Variants in ABCB10 observed in about 807,000 individuals in gnomAD.
The protein encoded by ABCB10 is ATP-binding cassette sub-family B member 10, mitochondrial.
Under a neutral mutation model 65.4 loss-of-function variants are expected in ABCB10, and 54 were observed. That is an observed-to-expected ratio of 0.83 (90% CI 0.66 to 1.04). The LOEUF (loss-of-function observed/expected upper bound fraction) is 1.04, where lower values mean the gene tolerates loss of function less well. ABCB10 is among the 50% of genes least tolerant of loss of function. ABCB10 has a pLI of 0.00. For missense variants in ABCB10, 846 were observed against 976.6 expected, an observed-to-expected ratio of 0.87 and a Z score of 1.78; for synonymous variants, 418 against 406.5, an observed-to-expected ratio of 1.03 and a Z score of -0.34.
intron 1 of ABCB10, 96 bp from the exon 2 acceptor site, chr1:229,549,530 A>G (rs965042904): frequency 1.7e-6 from 2 of 1,187,072 alleles, no homozygotes; most frequent in Non-Finnish European, 2.4e-6. Context: ...AGCTGTTGTC[A>G]GAGTATGCGT....
chr1:229,525,785 T>C (rs981510500), intron 10 of ABCB10, 151 bp downstream of exon 10: 11 of 884,710 alleles, frequency 1.2e-5, no homozygotes, highest in African/African-American at 1.0e-4. Flanking sequence ...AGAGCCGAGA[T>C]TGCGCCACTG....
At chr1:229,546,822 T>A (rs1164933004) in intron 3 of ABCB10, among the ~76,000 whole-genome samples, 1 of 152,086 alleles carries the variant, frequency 6.6e-6, no homozygotes, top group Admixed American at 6.6e-5. Context: ...AGTTTAAGAC[T>A]GCAGTGAGCT....
chr1:229,537,377 T>C (rs1194154823), intron 6 of ABCB10, among the ~76,000 whole-genome samples: 4 of 152,250 alleles, frequency 2.6e-5, no homozygotes, highest in Non-Finnish European at 4.4e-5. Context: ...TATGTCTTTC[T>C]AGGCAGAAAC....
At chr1:229,525,457 G>A (rs1662418241) in intron 10 of ABCB10, among the ~76,000 whole-genome samples, 1 of 152,068 alleles carries the variant, frequency 6.6e-6, no homozygotes, top group Non-Finnish European at 1.5e-5. Flanking sequence ...GAAAACACTG[G>A]GGAATTTTCC....
At chr1:229,527,359 T>C (rs1446374878) in intron 8 of ABCB10, 51 bp from the exon 9 acceptor site, 12 of 1,510,532 alleles carry the variant, frequency 7.9e-6, no homozygotes, top group South Asian at 1.1e-5. Flanking sequence ...ATGAGGCTGA[T>C]GACCAACACA....
At chr1:229,534,816 G>A (rs1214216328) in intron 6 of ABCB10, among the ~76,000 whole-genome samples, 6 of 143,494 alleles carry the variant, frequency 4.2e-5, no homozygotes, top group Admixed American at 7.3e-5. Context: ...AGGTTGCAGT[G>A]AGCCAAGACC....
At chr1:229,545,316 T>C (rs1189801052) in intron 3 of ABCB10, among the ~76,000 whole-genome samples, 1 of 152,238 alleles carries the variant, frequency 6.6e-6, no homozygotes, top group Non-Finnish European at 1.5e-5. Context: ...CTGTTTTTCA[T>C]TCCGTAAGTC....
At chr1:229,531,477 T>C (rs942908022) in intron 7 of ABCB10, among the ~76,000 whole-genome samples, 159 bp downstream of exon 7, 10 of 152,080 alleles carry the variant, frequency 6.6e-5, no homozygotes, top group Non-Finnish European at 8.8e-5. Context: ...CCCCCTCTCA[T>C]AGAAAACCTG....
At chr1:229,558,046 C>A (rs1419221526) in intron 1 of ABCB10, 90 bp downstream of exon 1, 2 of 1,223,962 alleles carry the variant, frequency 1.6e-6, no homozygotes, top group Non-Finnish European at 1.0e-6. Flanking sequence ...ACGCGCTCTG[C>A]GGCCCGGCCG....
chr1:229,532,021 C>A, intron 6 of ABCB10: 1 of 213,060 alleles, frequency 4.7e-6, no homozygotes, highest in South Asian at 1.0e-4. Flanking sequence ...GGCACAATCT[C>A]AGCTCACTGC....
At position 229,518,063 on chromosome 1, in the gene ABCB10, A is replaced by T; in HGVS notation, c.*116T>A. 1 of 732,178 alleles carries T rather than the reference A, an allele frequency of 1.4e-6. No individual in the cohort carries two copies. Among genetic ancestry groups the T allele is most frequent in the Non-Finnish European group, 2.3e-6 (1 of 442,296 alleles). The allele number at this position is 732,178 out of a possible 1,614,324, so 45.4% of individuals were successfully genotyped here. ...AATCTTTTACACACTTTGGAAAAAA[A>T]TAGGTATTTTTCAAATAACTTGATA... On this transcript the variant is annotated 3_prime_UTR_variant, in exon 13 of 13. Transcript: ENST00000344517.
At position 229,523,283 on chromosome 1, in the gene ABCB10, A is replaced by G. The variant is rs572653715; in HGVS notation, c.1907-1648T>C. ...CCTTTCCTCCAGGAACGCTACTCCT[A>G]AGTCATACTTGGAAAGTCTCAGAGT... On this transcript the variant is annotated intron_variant, in intron 10 of 12. Transcript: ENST00000344517. Among the ~76,000 whole-genome samples the G allele has an allele frequency of 7.6e-4, 116 of 152,276 alleles. 1 individual carries two copies. In the South Asian group the frequency reaches 0.012, roughly 16 times the overall value.
chr1:229,558,522 G>C lies in ABCB10; in HGVS notation c.131C>G (p.Thr44Ser). ...SRVPGSLSPFTGLRPARLWGA... is the reference protein window; with the variant it reads ...SRVPGSLSPFSGLRPARLWGA... ...CCATAGCCGCGCCGGCCTCAGGCCA[G>C]TGAACGGCGATAGGGACCCGGGAAC... Residue 44 changes from threonine (T) to serine (S), a missense_variant, in exon 1 of 13, where the codon ACT becomes AGT. Transcript: ENST00000344517. 7.0e-7 allele frequency: 1 copy of C among 1,426,920 alleles called. No homozygotes were observed. Among genetic ancestry groups the C allele is most frequent in the East Asian group, 3.2e-5 (1 of 30,804 alleles). 88.4% of individuals were successfully genotyped at this position (1,426,920 alleles called of 1,614,324 possible).
Position 229,549,320 on chromosome 1 carries a change from A to G in ABCB10, c.632T>C (p.Leu211Pro). ...TNPTVDYSDN[L>P]TRLCLGLSAV... ...ACTGAGCCCTAGGCAGAGGCGGGTC[A>G]GGTTGTCGCTGTAGTCCACAGTGGG... Residue 211 changes from leucine to proline, a missense_variant, in exon 2 of 13, where the codon CTG (leucine) becomes CCG (proline). Physicochemically the swap from Leu to Pro is moderately conservative, Grantham distance 98. Coordinates refer to ENST00000344517, the MANE Select transcript of ABCB10 (RefSeq NM_012089.3). 1 of 1,614,080 alleles carries G rather than the reference A, an allele frequency of 6.2e-7. No individual in the cohort carries two copies. The highest frequency in any genetic ancestry group is 8.5e-7 in the Non-Finnish European group (1 of 1,179,982).
In ABCB10 at chr1:229,536,402, G is replaced by A. The variant is rs188235690; in HGVS notation, c.1339+3054C>T. On this transcript the variant is annotated intron_variant, in intron 6 of 12. Coordinates refer to ENST00000344517, the MANE Select transcript of ABCB10 (RefSeq NM_012089.3). Reference sequence around the variant, plus strand: ...TATGCCTGCAGTCCTAGCTACTCAGGAGGCTGAGGCGGAAGGATCACTTGA... The same window carrying A: ...TATGCCTGCAGTCCTAGCTACTCAGAAGGCTGAGGCGGAAGGATCACTTGA... Among the ~76,000 whole-genome samples the A allele has an allele frequency of 3.2e-3, 482 of 152,184 alleles. 3 individuals carry two copies. Among genetic ancestry groups the A allele is most frequent in the Non-Finnish European group, 4.8e-3 (325 of 68,010 alleles).
At chr1:229,554,745 C>CG (rs1558130457) in intron 1 of ABCB10, among the ~76,000 whole-genome samples, 7 of 152,168 alleles carry the variant, frequency 4.6e-5, no homozygotes. Flanking sequence ...CCCTGGCTTT[C>CG]GGGGGCAGTT....
chr1:229,524,114 C>T (rs1161225810), intron 10 of ABCB10, among the ~76,000 whole-genome samples: 1 of 151,646 alleles, frequency 6.6e-6, no homozygotes, highest in African/African-American at 2.4e-5. Flanking sequence ...CCAGCCTTCA[C>T]TGTCACAAAG....
rs1662434634 is a variant in ABCB10 at position 229,526,030 on chromosome 1, C to T, written c.1812G>A (p.Gln604=). ...DPSSVTAEEI[Q]RVAEVANAVA... ...CTGCATTGGCCACTTCAGCCACTCT[C>T]TGGATTTCCTCAGCGGTCACAGAGG... Residue 604 remains glutamine, a synonymous_variant, in exon 10 of 13, where the codon CAG becomes CAA. Coordinates refer to ENST00000344517, the MANE Select transcript of ABCB10 (RefSeq NM_012089.3). 1 of 1,614,210 alleles carries T rather than the reference C, an allele frequency of 6.2e-7. No individual in the cohort carries two copies. Among genetic ancestry groups the T allele is most frequent in the South Asian group, 1.1e-5 (1 of 91,090 alleles).
chr1:229,528,325 C>T (rs1033273493), intron 8 of ABCB10, among the ~76,000 whole-genome samples: 1 of 146,418 alleles, frequency 6.8e-6, no homozygotes, highest in Admixed American at 6.8e-5. Context: ...TTTTTTTGGT[C>T]TTTTTTTTTT....
Sources: gnomAD v4.1 joint callset for allele counts (sites outside exome capture counted in the v4.1 genomes callset) on GRCh38, gnomAD v4.1.1 for gene constraint, MANE v1.5 for transcripts, NCBI Gene and HGNC (gene_info 2026-07-23, HGNC 2026-07-21) for gene names.